MAP4K5: variants seen among roughly 807,000 people sequenced by gnomAD.
The protein encoded by MAP4K5 is mitogen-activated protein kinase kinase kinase kinase 5.
Under a neutral mutation model 135.6 loss-of-function variants are expected in MAP4K5, and 82 were observed. That is an observed-to-expected ratio of 0.60 (90% CI 0.51 to 0.73). The LOEUF (loss-of-function observed/expected upper bound fraction) is 0.73, where lower values mean the gene tolerates loss of function less well. Ranked by LOEUF, MAP4K5 falls within the 30% of genes least tolerant of loss-of-function variation. The pLI, the probability that MAP4K5 is intolerant of heterozygous loss-of-function variation, is 0.00. For missense variants in MAP4K5, 907 were observed against 1,010.9 expected, an observed-to-expected ratio of 0.90 and a Z score of 1.39; for synonymous variants, 347 against 335.0, an observed-to-expected ratio of 1.04 and a Z score of -0.39.
intron 6 of MAP4K5, among the ~76,000 whole-genome samples, chr14:50,477,542 C>T (rs1020836057): frequency 2.6e-5 from 4 of 152,144 alleles, no homozygotes; most frequent in Non-Finnish European, 5.9e-5. Context: ...CTTCATCACC[C>T]TGTTTGGGTG....
intron 5 of MAP4K5, among the ~76,000 whole-genome samples, chr14:50,483,459 T>G: frequency 6.6e-6 from 1 of 152,042 alleles, no homozygotes; most frequent in Non-Finnish European, 1.5e-5. Flanking sequence ...AATCACTGGC[T>G]CTCTCTACCC....
At chr14:50,560,023 G>A (rs369130316) in intron 1 of MAP4K5, 55 of 580,618 alleles carry the variant, frequency 9.5e-5, no homozygotes, top group East Asian at 8.2e-4. Context: ...GTGGACTGAG[G>A]TAGGGAGGGT....
intron 6 of MAP4K5, among the ~76,000 whole-genome samples, chr14:50,479,001 TTTCG>T (rs2037171085): frequency 3.6e-5 from 1 of 27,406 alleles, no homozygotes; most frequent in African/African-American, 5.9e-5. Context: ...GTGTAGTTTT[TTTCG>T]TTTTTTTTTT....
intron 13 of MAP4K5, among the ~76,000 whole-genome samples, chr14:50,458,645 T>C (rs1020945571): frequency 6.6e-6 from 1 of 152,190 alleles, no homozygotes; most frequent in Non-Finnish European, 1.5e-5. Flanking sequence ...GCTATTGCTC[T>C]TTGCCTACTT....
intron 1 of MAP4K5, among the ~76,000 whole-genome samples, chr14:50,543,587 G>C (rs1016631856): frequency 1.3e-5 from 2 of 152,150 alleles, no homozygotes; most frequent in African/African-American, 4.8e-5. Context: ...CCATCACTCA[G>C]GAACAGCTAG....
chr14:50,441,764 ACACACACACAC>A (rs1163244505), intron 21 of MAP4K5, among the ~76,000 whole-genome samples: 15 of 131,858 alleles, frequency 1.1e-4, no homozygotes, highest in African/African-American at 5.3e-4. Flanking sequence ...ACACACACAC[ACACACACACAC>A]ACACACACAC....
At chr14:50,511,863 A>G (rs1236055772) in intron 2 of MAP4K5, among the ~76,000 whole-genome samples, 1 of 152,164 alleles carries the variant, frequency 6.6e-6, no homozygotes, top group Non-Finnish European at 1.5e-5. Context: ...AGACAGTAAA[A>G]AGCAATGGTT....
rs781548910 is a variant in MAP4K5 at position 50,435,099 on chromosome 14, A to G, written c.1883-34T>C. ...AAATAAACAAACAAAAAACCCAGAC[A>G]CACTCAAAATACTGAATACTTTCAT... On this transcript the variant is annotated intron_variant, in intron 26 of 32. Coordinates refer to ENST00000682126, the MANE Select transcript of MAP4K5 (RefSeq NM_006575.6). 6.9e-6 allele frequency: 8 copies of G among 1,167,114 alleles called. No individual in the cohort carries two copies. In the South Asian group the frequency reaches 8.0e-5, roughly 12 times the overall value. 72.3% of individuals were successfully genotyped at this position (1,167,114 alleles called of 1,614,324 possible).
chr14:50,481,458 GAAC>G (rs1405769767), intron 6 of MAP4K5, among the ~76,000 whole-genome samples: 4 of 151,800 alleles, frequency 2.6e-5, no homozygotes, highest in African/African-American at 9.7e-5. Flanking sequence ...AAATATTAGA[GAAC>G]AACACATAGA....
At chr14:50,555,366 C>T (rs962352854) in intron 1 of MAP4K5, among the ~76,000 whole-genome samples, 3 of 152,248 alleles carry the variant, frequency 2.0e-5, no homozygotes, top group African/African-American at 7.2e-5. Flanking sequence ...ACTGCAACCT[C>T]TGCCTCCCGG....
At chr14:50,540,038 G>A (rs965154037) in intron 2 of MAP4K5, among the ~76,000 whole-genome samples, 12 of 152,182 alleles carry the variant, frequency 7.9e-5, no homozygotes, top group East Asian at 1.9e-4. Flanking sequence ...AGATATCCTC[G>A]AAAGATTCTT....
intron 2 of MAP4K5, among the ~76,000 whole-genome samples, chr14:50,514,800 T>C (rs1244780433): frequency 2.7e-5 from 4 of 150,126 alleles, no homozygotes; most frequent in South Asian, 2.2e-4. Context: ...TATAAAGATA[T>C]AAAGAGGGAA....
chr14:50,440,098 T>G (rs1400786639), intron 22 of MAP4K5, 25 bp from the exon 23 acceptor site: 3 of 1,290,994 alleles, frequency 2.3e-6, no homozygotes, highest in Non-Finnish European at 3.3e-6. Context: ...ATAATTAAGA[T>G]TCTCTCATTG....
chr14:50,493,128 G>T (rs2037521164), intron 3 of MAP4K5, among the ~76,000 whole-genome samples: 1 of 152,056 alleles, frequency 6.6e-6, no homozygotes, highest in Non-Finnish European at 1.5e-5. Flanking sequence ...AAGAGACAAG[G>T]TCTTGCTGTC....
At chr14:50,515,453 A>G (rs999037626) in intron 2 of MAP4K5, among the ~76,000 whole-genome samples, 5 of 152,068 alleles carry the variant, frequency 3.3e-5, no homozygotes, top group Admixed American at 6.6e-5. Context: ...CATGACCACC[A>G]ATTATTTCTC....
intron 28 of MAP4K5, among the ~76,000 whole-genome samples, chr14:50,433,643 A>G (rs980067589): frequency 6.6e-6 from 1 of 152,228 alleles, no homozygotes; most frequent in Admixed American, 6.5e-5. Context: ...TAAGCATCAA[A>G]CTTATAATAT....
chr14:50,448,980 T>C (rs2036422656), intron 14 of MAP4K5, 148 bp from the exon 15 acceptor site: 6 of 612,184 alleles, frequency 9.8e-6, no homozygotes, highest in Non-Finnish European at 1.7e-5. Context: ...ACTACAAGAG[T>C]ACCCCTTTGT....
intron 32 of MAP4K5, among the ~76,000 whole-genome samples, chr14:50,422,791 T>C (rs2035762404): frequency 6.6e-6 from 1 of 152,114 alleles, no homozygotes; most frequent in Non-Finnish European, 1.5e-5. Flanking sequence ...ATATTCCTAA[T>C]AGTTAATGGA....
intron 8 of MAP4K5, 47 bp downstream of exon 8, chr14:50,476,081 T>G: frequency 1.0e-6 from 1 of 987,432 alleles, no homozygotes; most frequent in Middle Eastern, 3.2e-4. Context: ...TTTATTAAAA[T>G]GTCATTAAAT....
Sources: gnomAD v4.1 joint callset for allele counts (sites outside exome capture counted in the v4.1 genomes callset) on GRCh38, gnomAD v4.1.1 for gene constraint, MANE v1.5 for transcripts, NCBI Gene and HGNC (gene_info 2026-07-23, HGNC 2026-07-21) for gene names.